The following SLC29A4 variants were observed in gnomAD, a reference collection of about 807,000 sequenced individuals.
SLC29A4 encodes equilibrative nucleoside transporter 4.
SLC29A4 carries 36 observed loss-of-function variants against 43.9 expected under a neutral mutation model. That is an observed-to-expected ratio of 0.82 (90% CI 0.63 to 1.08). The LOEUF (loss-of-function observed/expected upper bound fraction) is 1.08, where lower values mean the gene tolerates loss of function less well. Ranked by LOEUF, SLC29A4 falls within the 50% of genes least tolerant of loss-of-function variation. The probability of loss-of-function intolerance (pLI) is 0.00; values close to 1 mark genes in which losing one functional copy is unlikely to be tolerated. For missense variants in SLC29A4, 869 were observed against 755.3 expected (o/e 1.15, Z -1.77); for synonymous variants, 491 against 338.0 (o/e 1.45, Z -4.97).
chr7:5,301,709 T>TTTGGTC (rs1786178173), intron 10 of SLC29A4, among the ~76,000 whole-genome samples: 1 of 151,796 alleles, frequency 6.6e-6, no homozygotes, highest in Non-Finnish European at 1.5e-5. Flanking sequence ...TTCCAGGTCT[T>TTTGGTC]GTTTGGACGG....
intron 4 of SLC29A4, 36 bp downstream of exon 4, chr7:5,291,273 A>C (rs746515095): frequency 4.4e-6 from 7 of 1,582,812 alleles, no homozygotes; most frequent in Non-Finnish European, 6.0e-6. Flanking sequence ...CCTGCCTGTC[A>C]TGGCTTCCAC....
intron 10 of SLC29A4, among the ~76,000 whole-genome samples, chr7:5,302,174 C>T (rs1260696895): frequency 6.6e-6 from 1 of 152,154 alleles, no homozygotes; most frequent in African/African-American, 2.4e-5. Context: ...TGGTCTCGAA[C>T]TCCTAACCTC....
At chr7:5,299,539 G>A (rs1785983581) in intron 9 of SLC29A4, 112 bp downstream of exon 9, 1 of 1,208,084 alleles carries the variant, frequency 8.3e-7, no homozygotes, top group Non-Finnish European at 1.1e-6. Context: ...TGGCTCCCAG[G>A]TGGAAAGGGC....
chr7:5,285,254 G>GC (rs1784874736), intron 1 of SLC29A4, among the ~76,000 whole-genome samples: 1 of 152,076 alleles, frequency 6.6e-6, no homozygotes, highest in Non-Finnish European at 1.5e-5. Context: ...GCCCTGCTCG[G>GC]CCGCCACCCC....
chr7:5,304,909 T>C lies in SLC29A4; in HGVS notation c.*1970T>C, dbSNP rs1461072567. On this transcript the variant is annotated 3_prime_UTR_variant, in exon 11 of 11. Coordinates refer to ENST00000396872, the MANE Select transcript of SLC29A4 (RefSeq NM_153247.4). The stretch of plus-strand genomic sequence containing the variant: ...ATAGCTCACTGCAGCCTCCACCTCC[T>C]GGGCTCCAGTGATCCTCCCACCTCA... 1 of 152,236 alleles carries C rather than the reference T, an allele frequency of 6.6e-6. No individual in the cohort carries two copies. Among genetic ancestry groups the C allele is most frequent in the Non-Finnish European group, 1.5e-5 (1 of 68,066 alleles). 9.4% of individuals were successfully genotyped at this position (152,236 alleles called of 1,614,324 possible). A position where few individuals can be genotyped will look rare whatever the true frequency, so the allele number is the denominator to read the frequency against.
chr7:5,298,864 G>T (rs140271963), intron 7 of SLC29A4, 124 bp from the exon 8 acceptor site: 30 of 1,044,610 alleles, frequency 2.9e-5, no homozygotes, highest in Non-Finnish European at 4.0e-5. Flanking sequence ...TCTGCACACA[G>T]TAGGTACCAC....
intron 2 of SLC29A4, among the ~76,000 whole-genome samples, chr7:5,288,576 G>A (rs1172144258): frequency 6.6e-6 from 1 of 152,066 alleles, no homozygotes; most frequent in Non-Finnish European, 1.5e-5. Flanking sequence ...ACAGGCTTGA[G>A]CCACCGCGCC....
At position 5,306,242 on chromosome 7, in the gene SLC29A4, C is replaced by T. The variant is rs1405394697; in HGVS notation, c.*3303C>T. The T allele has an allele frequency of 7.6e-6, 1 of 131,064 alleles. No individual in the cohort carries two copies. The highest frequency in any genetic ancestry group is 1.5e-5 in the Non-Finnish European group (1 of 64,636). 8.1% of individuals were successfully genotyped at this position (131,064 alleles called of 1,614,324 possible). A position where few individuals can be genotyped will look rare whatever the true frequency, so the allele number is the denominator to read the frequency against. On this transcript the variant is annotated 3_prime_UTR_variant, in exon 11 of 11. Coordinates refer to ENST00000396872, the MANE Select transcript of SLC29A4 (RefSeq NM_153247.4). ...GAGACAATCTCTGTCACCCCCAGGC[C>T]AGAGTGCAGTGGTGCGATCTCAACT...
intron 5 of SLC29A4, among the ~76,000 whole-genome samples, chr7:5,293,039 A>G (rs1441117051): frequency 6.6e-6 from 1 of 150,462 alleles, no homozygotes; most frequent in African/African-American, 2.4e-5. Flanking sequence ...TTCTGACCCA[A>G]CATCCTCTCT....
chr7:5,288,929 G>C (rs1035755839), intron 2 of SLC29A4, among the ~76,000 whole-genome samples: 1 of 152,136 alleles, frequency 6.6e-6, no homozygotes, highest in African/African-American at 2.4e-5. Flanking sequence ...AGTCAGTGTT[G>C]TTCTGTGACC....
chr7:5,297,158 A>G lies in SLC29A4; in HGVS notation c.842A>G (p.Tyr281Cys). 6.3e-7 allele frequency: 1 copy of G among 1,598,148 alleles called. No individual in the cohort carries two copies. Among genetic ancestry groups the G allele is most frequent in the Non-Finnish European group, 8.5e-7 (1 of 1,176,656 alleles). The change falls in exon 7 of 11, where the codon TAC becomes TGC. Residue 281 changes from tyrosine to cysteine, a missense_variant. Tyr to Cys is a radical substitution (Grantham distance 194). Transcript: ENST00000396872. The stretch of plus-strand genomic sequence containing the variant: ...CCAGGCCTGGGCAGGGGCTATGGCT[A>G]CCGCGTGCACCACGACGTTGTCGCC... ...GRPGLGRGYG[Y>C]RVHHDVVAGD...
chr7:5,298,573 C>A (rs1461704996), intron 7 of SLC29A4, among the ~76,000 whole-genome samples: 1 of 152,124 alleles, frequency 6.6e-6, no homozygotes, highest in South Asian at 2.1e-4. Flanking sequence ...GGGAGGATCG[C>A]TTGAGCCCAA....
Position 5,300,551 on chromosome 7 carries a change from G to A in SLC29A4, c.1339G>A (p.Ala447Thr), listed in dbSNP as rs748006612. The change falls in exon 10 of 11, where the codon GCC (alanine) becomes ACC (threonine). Residue 447 changes from alanine to threonine, a missense_variant. Coordinates refer to ENST00000396872, the MANE Select transcript of SLC29A4 (RefSeq NM_153247.4). ...CGGCATGCCCGCCCTCCGTCACCCCGCCTGGCCCTGCATCTTCTCACTGCT... is the reference window on the plus strand; with the variant it reads ...CGGCATGCCCGCCCTCCGTCACCCCACCTGGCCCTGCATCTTCTCACTGCT... ...PSGMPALRHP[A>T]WPCIFSLLMG... 58 of 1,612,166 alleles carry A rather than the reference G, an allele frequency of 3.6e-5. No individual in the cohort carries two copies. Among genetic ancestry groups the A allele is most frequent in the South Asian group, 5.5e-5 (5 of 90,984 alleles).
At position 5,294,847 on chromosome 7, in the gene SLC29A4, T is replaced by C; in HGVS notation, c.545-13T>C. The C allele has an allele frequency of 6.2e-7, 1 of 1,611,942 alleles. No individual in the cohort carries two copies. Among genetic ancestry groups the C allele is most frequent in the Non-Finnish European group, 8.5e-7 (1 of 1,179,560 alleles). On this transcript the variant is annotated splice_polypyrimidine_tract_variant and intron_variant, in intron 5 of 10. Transcript: ENST00000396872. ...ATGGTGCCTCTGGGTTGTTCCTCTC[T>C]CTCTCTCTTAAGTGCAGCAATCCAG...
chr7:5,297,500 C>G (rs920770231), intron 7 of SLC29A4, among the ~76,000 whole-genome samples: 2 of 152,252 alleles, frequency 1.3e-5, no homozygotes, highest in African/African-American at 4.8e-5. Flanking sequence ...CTTAGTGACA[C>G]TCCACATGAT....
chr7:5,296,482 C>T (rs1260355434), intron 6 of SLC29A4, among the ~76,000 whole-genome samples: 2 of 105,654 alleles, frequency 1.9e-5, no homozygotes, highest in Non-Finnish European at 3.8e-5. Context: ...GCGGGAGAGA[C>T]GGGACTCAGG....
Position 5,304,123 on chromosome 7 carries a change from G to C in SLC29A4, c.*1184G>C, listed in dbSNP as rs1417465260. ...CTGGGACTGCCATCTCGGGATACCG[G>C]TGGAACTCGGGCTGCCCCGCATAAG... is the stretch of plus-strand genomic sequence containing the variant. On this transcript the variant is annotated 3_prime_UTR_variant, in exon 11 of 11. Transcript: ENST00000396872. The C allele has an allele frequency of 6.6e-6, 1 of 152,366 alleles. No individual in the cohort carries two copies. Among genetic ancestry groups the C allele is most frequent in the Non-Finnish European group, 1.5e-5 (1 of 68,134 alleles). The allele number at this position is 152,366 out of a possible 1,614,324, so 9.4% of individuals were successfully genotyped here.
rs573878326 is a variant in SLC29A4, at chr7:5,300,802, G to A, written c.1450+140G>A. The A allele has an allele frequency of 2.1e-5, 25 of 1,184,480 alleles. No individual in the cohort carries two copies. The East Asian group carries it at 6.3e-4, about 30-fold the overall frequency. 73.4% of individuals were successfully genotyped at this position (1,184,480 alleles called of 1,614,324 possible). On this transcript the variant is annotated intron_variant, in intron 10 of 10. Coordinates refer to ENST00000396872, the MANE Select transcript of SLC29A4 (RefSeq NM_153247.4). The stretch of plus-strand genomic sequence containing the variant: ...ACAGTCAGTGTCTGGGAGGCCGTAG[G>A]TGTGGGGACATTCTCAGCCACTTCA...
At chr7:5,292,987 C>T (rs1179352192) in intron 5 of SLC29A4, among the ~76,000 whole-genome samples, 1 of 151,236 alleles carries the variant, frequency 6.6e-6, no homozygotes, top group African/African-American at 2.4e-5. Context: ...GCGTGAGCCA[C>T]CGCACCCCGC....
Sources: allele counts gnomAD v4.1 joint callset (sites outside exome capture counted in the v4.1 genomes callset), GRCh38; gene constraint gnomAD v4.1.1; transcripts MANE v1.5; gene names NCBI Gene and HGNC (gene_info 2026-07-23, HGNC 2026-07-21).